CDH11: variants seen among roughly 807,000 people sequenced by gnomAD.
CDH11 encodes the protein cadherin-11.
A neutral mutation model predicts 67.8 loss-of-function variants in CDH11; 11 were observed. The ratio of observed to expected loss-of-function variants is 0.16; its 90% CI spans 0.10 to 0.27. The LOEUF (loss-of-function observed/expected upper bound fraction) is 0.27, where lower values mean the gene tolerates loss of function less well. Ranked by LOEUF, CDH11 falls within the 10% of genes least tolerant of loss-of-function variation. The pLI is 1.00. For synonymous variants in CDH11, 419 were observed against 400.0 expected (o/e 1.05, Z -0.57); for missense variants, 847 against 1,031.2 (o/e 0.82, Z 2.45).
rs1293359765 is a variant in CDH11 at position 65,086,839 on chromosome 16, C to A, written c.-297-32911G>T. ...GCACAAAAGGCAATAGGTCCTACAG[C>A]CCTCACTCTGAAGGCCAGGGTATGG... On this transcript the variant is annotated intron_variant, in intron 1 of 12. Coordinates refer to ENST00000268603, the MANE Select transcript of CDH11 (RefSeq NM_001797.4). 2.6e-5 allele frequency among the ~76,000 whole-genome samples: 4 copies of A among 152,272 alleles called. 1 individual carries two copies. In the South Asian group the frequency reaches 6.2e-4, roughly 24 times the overall value.
At chr16:65,045,662 T>C (rs906282955) in intron 2 of CDH11, among the ~76,000 whole-genome samples, 1 of 151,948 alleles carries the variant, frequency 6.6e-6, no homozygotes, top group African/African-American at 2.4e-5. Flanking sequence ...GGAAAGGAAA[T>C]GTTAATTCTG....
intron 4 of CDH11, among the ~76,000 whole-genome samples, chr16:64,996,731 C>T (rs907831289): frequency 6.6e-6 from 1 of 152,102 alleles, no homozygotes; most frequent in Non-Finnish European, 1.5e-5. Context: ...TAATATCATG[C>T]CTTTGCATCA....
intron 1 of CDH11, among the ~76,000 whole-genome samples, chr16:65,074,993 C>T (rs892893967): frequency 3.3e-5 from 5 of 152,150 alleles, no homozygotes; most frequent in South Asian, 2.1e-4. Flanking sequence ...GTTCCTCCTG[C>T]TGTCTCAAAT....
chr16:64,968,571 G>C, intron 11 of CDH11: 3 of 984,988 alleles, frequency 3.0e-6, no homozygotes, highest in Non-Finnish European at 3.6e-6. Context: ...TGAAGCTCGG[G>C]CTGCAGAACG....
In CDH11 at chr16:65,090,636, A is replaced by G. The variant is rs536702445; in HGVS notation, c.-298+31244T>C. Among the ~76,000 whole-genome samples, 3 of 152,316 alleles carry G rather than the reference A, an allele frequency of 2.0e-5. No homozygotes were observed. The East Asian group carries it at 5.8e-4, about 29-fold the overall frequency. The stretch of plus-strand genomic sequence containing the variant: ...CCAGCCATTCCTGGGGTCCAACAGA[A>G]ACACACAATAAAATAAGGTTTTCCC... On this transcript the variant is annotated intron_variant, in intron 1 of 12. Coordinates refer to ENST00000268603, the MANE Select transcript of CDH11 (RefSeq NM_001797.4).
chr16:64,972,102 G>C, intron 9 of CDH11, 38 bp from the exon 10 acceptor site: 1 of 1,600,364 alleles, frequency 6.2e-7, no homozygotes, highest in Non-Finnish European at 8.6e-7. Context: ...GAAAGGTCAA[G>C]GAGAAATACA....
At chr16:65,047,090 G>T (rs1413592017) in intron 2 of CDH11, among the ~76,000 whole-genome samples, 1 of 152,068 alleles carries the variant, frequency 6.6e-6, no homozygotes, top group African/African-American at 2.4e-5. Context: ...CTCCAACCTG[G>T]GTGACAAAGT....
chr16:65,060,320 C>T (rs1597145806), intron 1 of CDH11, among the ~76,000 whole-genome samples: 1 of 140,832 alleles, frequency 7.1e-6, no homozygotes. Flanking sequence ...TATCTAAGCA[C>T]ACCCACTATA....
chr16:65,030,885 A>G (rs879421797), intron 2 of CDH11, among the ~76,000 whole-genome samples: 7 of 152,172 alleles, frequency 4.6e-5, no homozygotes, highest in Admixed American at 6.5e-5. Flanking sequence ...TTTAACATCA[A>G]TGTAACTGAG....
At chr16:64,995,380 G>T (rs2072738273) in intron 4 of CDH11, among the ~76,000 whole-genome samples, 1 of 152,078 alleles carries the variant, frequency 6.6e-6, no homozygotes, top group Non-Finnish European at 1.5e-5. Context: ...GCATGTTGCT[G>T]GTGCAAAAAC....
chr16:65,046,833 C>T (rs1450652165), intron 2 of CDH11, among the ~76,000 whole-genome samples: 11 of 152,166 alleles, frequency 7.2e-5, no homozygotes, highest in East Asian at 5.8e-4. Context: ...GGTGGCTGGG[C>T]GCGGTGACTC....
chr16:64,954,117 T>G (rs1320966534), intron 11 of CDH11, among the ~76,000 whole-genome samples: 1 of 152,198 alleles, frequency 6.6e-6, no homozygotes, highest in Non-Finnish European at 1.5e-5. Flanking sequence ...GGCATGACAT[T>G]GGCACATGAA....
chr16:65,002,540 T>A (rs1408866048), intron 3 of CDH11, among the ~76,000 whole-genome samples: 2 of 152,194 alleles, frequency 1.3e-5, no homozygotes, highest in Non-Finnish European at 2.9e-5. Flanking sequence ...CACGTCAACT[T>A]CCACATATTT....
intron 8 of CDH11, among the ~76,000 whole-genome samples, chr16:64,978,960 A>G (rs895790321): frequency 1.3e-5 from 2 of 152,198 alleles, no homozygotes; most frequent in East Asian, 3.8e-4. Context: ...AAAGGACACT[A>G]TTAAGAAACT....
intron 4 of CDH11, among the ~76,000 whole-genome samples, chr16:64,997,887 T>C (rs189736899): frequency 6.6e-6 from 1 of 152,314 alleles, no homozygotes; most frequent in Non-Finnish European, 1.5e-5. Flanking sequence ...TTAGAACAGT[T>C]CTACTCACTG....
At chr16:65,050,262 CG>C (rs1293596814) in intron 2 of CDH11, among the ~76,000 whole-genome samples, 2 of 152,136 alleles carry the variant, frequency 1.3e-5, no homozygotes, top group Non-Finnish European at 2.9e-5. Context: ...GTGCTAGAAA[CG>C]GAAGCTCAAG....
chr16:65,002,930 C>CT (rs1011429142), intron 3 of CDH11, among the ~76,000 whole-genome samples: 158 of 140,844 alleles, frequency 1.1e-3, no homozygotes, highest in African/African-American at 2.0e-3. Context: ...TTCTTTTTTT[C>CT]TTTTTTTTTT....
At chr16:65,075,972 T>G (rs894172662) in intron 1 of CDH11, among the ~76,000 whole-genome samples, 1 of 152,170 alleles carries the variant, frequency 6.6e-6, no homozygotes, top group Non-Finnish European at 1.5e-5. Context: ...ACCTATTCTT[T>G]TTGAAAAAGG....
chr16:65,067,348 A>G (rs1221844942), intron 1 of CDH11, among the ~76,000 whole-genome samples: 1 of 152,230 alleles, frequency 6.6e-6, no homozygotes, highest in Non-Finnish European at 1.5e-5. Context: ...ACACATACAC[A>G]ATGTAAGTAG....
Sources: gnomAD v4.1 joint callset for allele counts (sites outside exome capture counted in the v4.1 genomes callset) on GRCh38, gnomAD v4.1.1 for gene constraint, MANE v1.5 for transcripts, NCBI Gene and HGNC (gene_info 2026-07-23, HGNC 2026-07-21) for gene names.